The following CGNL1 variants were observed in gnomAD, a reference collection of about 807,000 sequenced individuals.
CGNL1 encodes the protein cingulin like 1.
In CGNL1, 132 loss-of-function variants were observed where a neutral mutation model predicts 141.2. The ratio of observed to expected loss-of-function variants is 0.93; its 90% CI spans 0.81 to 1.08. The LOEUF is 1.08. Among genes scored for constraint, CGNL1 ranks in the 50% least tolerant of loss-of-function variants. The pLI is 0.00. For synonymous variants in CGNL1, 690 were observed against 622.1 expected, an observed-to-expected ratio of 1.11 and a Z score of -1.63; for missense variants, 1,870 against 1,588.6, an observed-to-expected ratio of 1.18 and a Z score of -3.01.
At chr15:57,443,709 A>T (rs2063218711) in intron 4 of CGNL1, among the ~76,000 whole-genome samples, 1 of 152,142 alleles carries the variant, frequency 6.6e-6, no homozygotes, top group South Asian at 2.1e-4. Context: ...GCATATACAT[A>T]GCCTTGAGGA....
Position 57,461,760 on chromosome 15 carries a change from G to A in CGNL1, c.2271G>A (p.Glu757=), listed in dbSNP as rs756989622. The A allele has an allele frequency of 1.2e-6, 2 of 1,614,064 alleles. No homozygotes were observed. Among genetic ancestry groups the A allele is most frequent in the African/African-American group, 1.3e-5 (1 of 74,942 alleles). Reference sequence around the variant, plus strand: ...AAGAAGACCTCTTGAGAAAGCGAGAGCGTGAACTCACCGCCCTGAAGGGAG... The same window carrying A: ...AAGAAGACCTCTTGAGAAAGCGAGAACGTGAACTCACCGCCCTGAAGGGAG... ...EEQEDLLRKR[E]RELTALKGAL... The change falls in exon 8 of 19, where the codon GAG becomes GAA. Residue 757 remains glutamate, a synonymous_variant. Coordinates refer to ENST00000281282, the MANE Select transcript of CGNL1 (RefSeq NM_032866.5).
At chr15:57,467,416 C>T (rs2063523140) in intron 8 of CGNL1, among the ~76,000 whole-genome samples, 1 of 152,034 alleles carries the variant, frequency 6.6e-6, no homozygotes, top group South Asian at 2.1e-4. Flanking sequence ...ACAGCATGAG[C>T]AATACCTTGT....
At chr15:57,423,971 C>T (rs1316948313) in intron 1 of CGNL1, among the ~76,000 whole-genome samples, 3 of 152,222 alleles carry the variant, frequency 2.0e-5, no homozygotes, top group African/African-American at 7.2e-5. Context: ...TATGTGACTT[C>T]CTAGCTGAGC....
At chr15:57,452,891 G>T (rs1039475350) in intron 6 of CGNL1, among the ~76,000 whole-genome samples, 1 of 152,122 alleles carries the variant, frequency 6.6e-6, no homozygotes, top group Non-Finnish European at 1.5e-5. Flanking sequence ...TGAAATCTAG[G>T]GGGAAGTTCA....
chr15:57,419,379 T>A (rs554716942), intron 1 of CGNL1, among the ~76,000 whole-genome samples: 120 of 152,364 alleles, frequency 7.9e-4, no homozygotes, highest in African/African-American at 2.9e-3. Context: ...AATGAAACAT[T>A]TTTGATAAAT....
At chr15:57,471,654 G>A (rs1274137758) in intron 8 of CGNL1, among the ~76,000 whole-genome samples, 3 of 152,196 alleles carry the variant, frequency 2.0e-5, no homozygotes, top group Non-Finnish European at 4.4e-5. Context: ...CCTGCTCACC[G>A]ATGGAGTGAG....
intron 14 of CGNL1, among the ~76,000 whole-genome samples, chr15:57,536,797 T>G (rs891148476): frequency 2.0e-5 from 3 of 152,300 alleles, no homozygotes; most frequent in South Asian, 4.1e-4. Context: ...AGTGACTACA[T>G]AGGGTCACAC....
chr15:57,465,556 A>G (rs1595732855), intron 8 of CGNL1, among the ~76,000 whole-genome samples: 1 of 151,668 alleles, frequency 6.6e-6, no homozygotes, highest in Non-Finnish European at 1.5e-5. Flanking sequence ...ACACCTGACT[A>G]ATTTTTGTAT....
intron 8 of CGNL1, among the ~76,000 whole-genome samples, chr15:57,498,927 C>T (rs1040913730): frequency 1.3e-5 from 2 of 151,866 alleles, no homozygotes; most frequent in Non-Finnish European, 2.9e-5. Context: ...ATGATACAGA[C>T]ATTGGGGACT....
intron 4 of CGNL1, among the ~76,000 whole-genome samples, chr15:57,450,663 G>T (rs925252620): frequency 6.6e-6 from 1 of 152,194 alleles, no homozygotes; most frequent in African/African-American, 2.4e-5. Context: ...TGGAGTCATG[G>T]AGAACCCAGG....
At chr15:57,486,738 C>G (rs2063790378) in intron 8 of CGNL1, among the ~76,000 whole-genome samples, 1 of 152,082 alleles carries the variant, frequency 6.6e-6, no homozygotes, top group South Asian at 2.1e-4. Flanking sequence ...TTGAATCTGA[C>G]CGTGTTGAGT....
intron 8 of CGNL1, among the ~76,000 whole-genome samples, chr15:57,509,980 AC>A (rs1347641552): frequency 6.6e-6 from 1 of 152,194 alleles, no homozygotes; most frequent in African/African-American, 2.4e-5. Flanking sequence ...AACCTGACTT[AC>A]CCTTGAAATA....
At chr15:57,492,071 T>C (rs764907820) in intron 8 of CGNL1, among the ~76,000 whole-genome samples, 15 of 152,216 alleles carry the variant, frequency 9.9e-5, no homozygotes, top group Admixed American at 2.0e-4. Context: ...CTTCCAGATA[T>C]TTCCAGTCAG....
At chr15:57,461,994 G>A (rs1168896067) in intron 8 of CGNL1, 102 bp downstream of exon 8, 4 of 855,372 alleles carry the variant, frequency 4.7e-6, no homozygotes, top group Non-Finnish European at 7.7e-6. Flanking sequence ...TAATTAGAGA[G>A]TGAATCTCAA....
At chr15:57,481,348 C>T (rs2063724147) in intron 8 of CGNL1, among the ~76,000 whole-genome samples, 1 of 152,118 alleles carries the variant, frequency 6.6e-6, no homozygotes, top group African/African-American at 2.4e-5. Context: ...CTCGCTTTCC[C>T]TCCCATCCCT....
chr15:57,543,558 G>A, intron 14 of CGNL1, 138 bp from the exon 15 acceptor site: 2 of 697,350 alleles, frequency 2.9e-6, no homozygotes, highest in Non-Finnish European at 5.1e-6. Context: ...GTACCCCAGA[G>A]CAGATGGCAC....
chr15:57,487,800 GA>G (rs1237501065), intron 8 of CGNL1, among the ~76,000 whole-genome samples: 1 of 152,080 alleles, frequency 6.6e-6, no homozygotes, highest in African/African-American at 2.4e-5. Context: ...TAAGTGGGGA[GA>G]AAAAAACCTT....
chr15:57,435,421 T>G (rs1157010082), intron 1 of CGNL1, among the ~76,000 whole-genome samples: 7 of 151,410 alleles, frequency 4.6e-5, no homozygotes, highest in Middle Eastern at 3.4e-3. Flanking sequence ...TTTTGTTTTT[T>G]TTTTTTTCCT....
intron 8 of CGNL1, among the ~76,000 whole-genome samples, chr15:57,509,779 T>C (rs1302880171): frequency 2.0e-5 from 3 of 152,250 alleles, no homozygotes; most frequent in Non-Finnish European, 4.4e-5. Context: ...TTTCCTTCTT[T>C]TAAAATTGGT....
Sources: gnomAD v4.1 joint callset for allele counts (sites outside exome capture counted in the v4.1 genomes callset) on GRCh38, gnomAD v4.1.1 for gene constraint, MANE v1.5 for transcripts, NCBI Gene and HGNC (gene_info 2026-07-23, HGNC 2026-07-21) for gene names.